PABPC4L: variants seen among roughly 807,000 people sequenced by gnomAD.
PABPC4L encodes the protein poly(A) binding protein cytoplasmic 4 like, also known as polyadenylate-binding protein 4-like.
For missense variants in PABPC4L, 452 were observed against 451.4 expected (o/e 1.00, Z -0.01); for synonymous variants, 169 against 164.1 (o/e 1.03, Z -0.23).
At chr4:134,144,033 G>A in the PABPC4L span, among the ~76,000 whole-genome samples, 4 of 151,484 alleles carry the variant, frequency 2.6e-5, no homozygotes, top group Non-Finnish European at 5.9e-5. Flanking sequence ...ATCCCTTAAG[G>A]TAACCACTCA....
the PABPC4L span, among the ~76,000 whole-genome samples, chr4:134,016,981 C>T: frequency 6.6e-6 from 1 of 152,154 alleles, no homozygotes; most frequent in South Asian, 2.1e-4. Flanking sequence ...TAGGTAGAGG[C>T]CTTTCCTACA....
the PABPC4L span, among the ~76,000 whole-genome samples, chr4:134,148,073 A>G: frequency 1.3e-5 from 2 of 152,058 alleles, no homozygotes; most frequent in African/African-American, 4.8e-5. Flanking sequence ...TCCATAACCC[A>G]TTCATTCCCA....
chr4:133,989,193 T>C, the PABPC4L span, among the ~76,000 whole-genome samples: 1 of 152,296 alleles, frequency 6.6e-6, no homozygotes, highest in Admixed American at 6.5e-5. Flanking sequence ...TTTTTCCATG[T>C]TGTTGGTGAA....
the PABPC4L span, among the ~76,000 whole-genome samples, chr4:133,957,386 G>A: frequency 6.6e-6 from 1 of 152,202 alleles, no homozygotes; most frequent in Admixed American, 6.5e-5. Context: ...GCTGATGCAA[G>A]AGATGGGCTT....
the PABPC4L span, among the ~76,000 whole-genome samples, chr4:134,037,402 T>C: frequency 7.1e-3 from 1,074 of 152,216 alleles, 45 homozygotes; most frequent in Admixed American, 0.062. Context: ...TTTTATTTTG[T>C]ATTTCTATTG....
At chr4:134,000,592 AT>A in the PABPC4L span, among the ~76,000 whole-genome samples, 1 of 152,162 alleles carries the variant, frequency 6.6e-6, no homozygotes, top group Non-Finnish European at 1.5e-5. Context: ...CAGATAACTC[AT>A]TAACTTTTTT....
At chr4:134,078,343 A>T in the PABPC4L span, among the ~76,000 whole-genome samples, 2,643 of 152,288 alleles carry the variant, frequency 0.017, 74 homozygotes, top group African/African-American at 0.057. Flanking sequence ...TTTCTGGTTA[A>T]TATCACCTGT....
the PABPC4L span, among the ~76,000 whole-genome samples, chr4:134,149,957 AG>A: frequency 6.6e-6 from 1 of 152,118 alleles, no homozygotes; most frequent in South Asian, 2.1e-4. Flanking sequence ...TTGCAGGAAG[AG>A]GGAGCCCATA....
chr4:134,058,845 A>G, the PABPC4L span, among the ~76,000 whole-genome samples: 1 of 152,088 alleles, frequency 6.6e-6, no homozygotes, highest in African/African-American at 2.4e-5. Context: ...AGAATAGCAG[A>G]GAGCATGACA....
the PABPC4L span, among the ~76,000 whole-genome samples, chr4:134,047,743 A>T: frequency 6.6e-6 from 1 of 151,470 alleles, no homozygotes; most frequent in Non-Finnish European, 1.5e-5. Context: ...ATAGCCAGTC[A>T]TAGTGCCTGA....
the PABPC4L span, among the ~76,000 whole-genome samples, chr4:134,132,308 G>A: frequency 6.6e-6 from 1 of 151,678 alleles, no homozygotes; most frequent in Admixed American, 6.6e-5. Context: ...TTTGCGGTCT[G>A]GATATCCAAC....
At chr4:134,067,483 T>C in the PABPC4L span, among the ~76,000 whole-genome samples, 1 of 152,144 alleles carries the variant, frequency 6.6e-6, no homozygotes, top group South Asian at 2.1e-4. Context: ...AACCAACTCC[T>C]GGACTCATTA....
the PABPC4L span, among the ~76,000 whole-genome samples, chr4:134,085,031 G>A: frequency 6.6e-6 from 1 of 152,020 alleles, no homozygotes; most frequent in African/African-American, 2.4e-5. Flanking sequence ...CAGAGGCCAG[G>A]CTCCTCCCTC....
chr4:134,176,426 G>A, the PABPC4L span, among the ~76,000 whole-genome samples: 8 of 152,036 alleles, frequency 5.3e-5, no homozygotes, highest in Admixed American at 1.3e-4. Context: ...TTGCTTGAGC[G>A]CAGGAGTTGG....
At chr4:134,135,299 G>A in the PABPC4L span, among the ~76,000 whole-genome samples, 15 of 152,150 alleles carry the variant, frequency 9.9e-5, 1 homozygote, top group South Asian at 1.9e-3. Flanking sequence ...CTTCTTAAAT[G>A]CAGCAATGAC....
the PABPC4L span, among the ~76,000 whole-genome samples, chr4:134,091,687 TA>T: frequency 6.6e-6 from 1 of 151,986 alleles, no homozygotes; most frequent in East Asian, 1.9e-4. Context: ...TTGTCAAGAA[TA>T]AATAAATTTT....
the PABPC4L span, among the ~76,000 whole-genome samples, chr4:134,058,893 ATTAGT>A: frequency 2.6e-5 from 4 of 152,134 alleles, no homozygotes; most frequent in South Asian, 8.3e-4. Flanking sequence ...AGAAGAGTAA[ATTAGT>A]TTAGAGTGTT....
At chr4:134,129,317 C>A in the PABPC4L span, among the ~76,000 whole-genome samples, 1 of 152,060 alleles carries the variant, frequency 6.6e-6, no homozygotes, top group Non-Finnish European at 1.5e-5. Flanking sequence ...TACCCTAGAA[C>A]AAATGGATTT....
At chr4:134,015,344 A>G in the PABPC4L span, among the ~76,000 whole-genome samples, 3 of 152,026 alleles carry the variant, frequency 2.0e-5, no homozygotes, top group African/African-American at 4.8e-5. Flanking sequence ...TATCCACCCC[A>G]TGGTGCCAAA....
Sources: gnomAD v4.1 joint callset for allele counts (sites outside exome capture counted in the v4.1 genomes callset) on GRCh38, gnomAD v4.1.1 for gene constraint, MANE v1.5 for transcripts, NCBI Gene and HGNC (gene_info 2026-07-23, HGNC 2026-07-21) for gene names.